Variants in OR3A2 observed in about 807,000 individuals in gnomAD.
OR3A2 encodes the protein olfactory receptor 3A2.
For synonymous variants in OR3A2, 126 were observed against 159.3 expected, an observed-to-expected ratio of 0.79 and a Z score of 1.57; for missense variants, 318 against 392.8, an observed-to-expected ratio of 0.81 and a Z score of 1.61.
At chr17:3,352,925 T>C (rs2049432139) in intron 2 of OR3A2, among the ~76,000 whole-genome samples, 1 of 151,824 alleles carries the variant, frequency 6.6e-6, no homozygotes, top group African/African-American at 2.4e-5. Context: ...ATTTCTTTTA[T>C]CAGTGTTTTA....
chr17:3,373,276 T>C (rs928938686), intron 2 of OR3A2, among the ~76,000 whole-genome samples: 1 of 152,188 alleles, frequency 6.6e-6, no homozygotes, highest in African/African-American at 2.4e-5. Flanking sequence ...TCTGCAGTTG[T>C]TAGGTAGAAT....
intron 3 of OR3A2, among the ~76,000 whole-genome samples, chr17:3,303,974 T>TAC (rs1344412490): frequency 2.0e-5 from 2 of 101,918 alleles, no homozygotes; most frequent in African/African-American, 4.7e-5. Flanking sequence ...AATATATATA[T>TAC]ATACTAATTA....
Position 3,369,805 on chromosome 17 carries a change from C to CTTTTTT in OR3A2, c.-179+13993_-179+13998dup, listed in dbSNP as rs35233474. Among the ~76,000 whole-genome samples, 649 of 134,646 alleles carry CTTTTTT rather than the reference C, an allele frequency of 4.8e-3. 13 individuals carry two copies. The highest frequency in any genetic ancestry group is 0.017 in the African/African-American group (611 of 35,474). The allele number at this position is 134,646 out of a possible 152,430, so 88.3% of individuals were successfully genotyped here. On this transcript the variant is annotated intron_variant, in intron 2 of 4. Coordinates refer to the OR3A2 transcript ENST00000573491. ...TTGAATGGTTTCCGTTAGATTGGTA[C>CTTTTTT]TTTTTTTTTTTTTTTTGAGGCAAGC...
At chr17:3,363,632 C>T (rs1445680008) in intron 2 of OR3A2, among the ~76,000 whole-genome samples, 1 of 151,942 alleles carries the variant, frequency 6.6e-6, no homozygotes, top group Non-Finnish European at 1.5e-5. Flanking sequence ...AAAGTTGCTT[C>T]CACATTTTCA....
intron 3 of OR3A2, among the ~76,000 whole-genome samples, chr17:3,295,957 G>C (rs1275224680): frequency 6.6e-6 from 1 of 152,102 alleles, no homozygotes; most frequent in Non-Finnish European, 1.5e-5. Context: ...CAGGGTAACA[G>C]TGGATTTTAG....
intron 3 of OR3A2, among the ~76,000 whole-genome samples, chr17:3,333,148 C>T (rs144287769): frequency 6.6e-6 from 1 of 152,122 alleles, no homozygotes; most frequent in Non-Finnish European, 1.5e-5. Flanking sequence ...TAATTGCATT[C>T]CTGGGTGGAG....
chr17:3,293,982 T>C (rs540834538), intron 3 of OR3A2, among the ~76,000 whole-genome samples: 1 of 152,062 alleles, frequency 6.6e-6, no homozygotes, highest in African/African-American at 2.4e-5. Flanking sequence ...GCGAGAACAT[T>C]AGGGAAAAGA....
intron 3 of OR3A2, among the ~76,000 whole-genome samples, chr17:3,333,630 C>T (rs1225585981): frequency 6.6e-6 from 1 of 152,086 alleles, no homozygotes; most frequent in East Asian, 1.9e-4. Flanking sequence ...ATTTCTCAGA[C>T]TGGCCAACAC....
At chr17:3,277,909 G>C in exon 2 of OR3A2, 3 of 1,513,650 alleles carry the variant, frequency 2.0e-6, no homozygotes, top group Non-Finnish European at 2.7e-6. Flanking sequence ...CCTGGTTACT[G>C]TCTTCATGGG....
intron 2 of OR3A2, among the ~76,000 whole-genome samples, chr17:3,369,064 A>G (rs578007128): frequency 7.9e-5 from 12 of 152,264 alleles, no homozygotes; most frequent in African/African-American, 2.9e-4. Context: ...TAGCAGTGCT[A>G]CTGATTTGTG....
At chr17:3,322,386 A>G (rs1286138032) in intron 3 of OR3A2, among the ~76,000 whole-genome samples, 3 of 151,720 alleles carry the variant, frequency 2.0e-5, no homozygotes, top group Non-Finnish European at 2.9e-5. Context: ...TTCTGCTCTG[A>G]TTTTAGTTAT....
At chr17:3,357,819 G>A (rs1234494292) in intron 2 of OR3A2, among the ~76,000 whole-genome samples, 2 of 151,568 alleles carry the variant, frequency 1.3e-5, no homozygotes, top group Non-Finnish European at 2.9e-5. Flanking sequence ...TTCCAGAAGT[G>A]CTGGGATTAA....
At chr17:3,319,091 A>G (rs561521443) in intron 3 of OR3A2, among the ~76,000 whole-genome samples, 81 of 152,288 alleles carry the variant, frequency 5.3e-4, no homozygotes, top group Non-Finnish European at 9.9e-4. Context: ...TGAATAAATG[A>G]TAAGTAGTCC....
chr17:3,279,099 A>T lies in OR3A2; in HGVS notation c.-6-176T>A, dbSNP rs372779926. 13 of 1,063,450 alleles carry T rather than the reference A, an allele frequency of 1.2e-5. No individual in the cohort carries two copies. Among genetic ancestry groups the T allele is most frequent in the South Asian group, 3.4e-5 (2 of 59,110 alleles). The allele number at this position is 1,063,450 out of a possible 1,614,324, so 65.9% of individuals were successfully genotyped here. A position where few individuals can be genotyped will look rare whatever the true frequency, so the allele number is the denominator to read the frequency against. ...ACCTTGCTCTTGGTTGACATGCCCA[A>T]TGACACCACCACCTTGTCCTCCTCA... On this transcript the variant is annotated intron_variant, in intron 1 of 1. It adds an upstream start codon to the 5' untranslated region. Coordinates refer to ENST00000642052, the Ensembl canonical transcript of OR3A2.
chr17:3,283,989 C>T lies in OR3A2; in HGVS notation c.-7+369G>A, dbSNP rs2048792442. Among the ~76,000 whole-genome samples, 3 of 145,792 alleles carry T rather than the reference C, an allele frequency of 2.1e-5. No individual in the cohort carries two copies. In the South Asian group the frequency reaches 6.9e-4, roughly 34 times the overall value. On this transcript the variant is annotated intron_variant, in intron 1 of 1. Coordinates refer to ENST00000642052, the Ensembl canonical transcript of OR3A2. ...TCCTGCACGACCACTCTCGAGGCTC[C>T]CCTTACGAGCTGTGACAGCTCCCTG...
At chr17:3,316,058 A>T (rs2049080585) in intron 3 of OR3A2, among the ~76,000 whole-genome samples, 1 of 152,024 alleles carries the variant, frequency 6.6e-6, no homozygotes, top group Non-Finnish European at 1.5e-5. Context: ...ACTCCACACC[A>T]ACCCTCATCC....
intron 2 of OR3A2, among the ~76,000 whole-genome samples, chr17:3,360,475 G>C (rs2049503342): frequency 6.6e-6 from 1 of 151,736 alleles, no homozygotes; most frequent in African/African-American, 2.4e-5. Context: ...TGGTGTTTTA[G>C]ACATGAAGTC....
At chr17:3,350,337 A>G (rs1257358043) in intron 2 of OR3A2, among the ~76,000 whole-genome samples, 1 of 149,856 alleles carries the variant, frequency 6.7e-6, no homozygotes, top group African/African-American at 2.4e-5. Flanking sequence ...GCAATAAAAA[A>G]TGATAAAGGG....
intron 3 of OR3A2, among the ~76,000 whole-genome samples, chr17:3,312,528 A>T (rs570566890): frequency 5.3e-5 from 8 of 152,344 alleles, no homozygotes; most frequent in Middle Eastern, 6.8e-3. Context: ...ATGGCAGTGC[A>T]TGAGCCTATT....
Sources: allele counts gnomAD v4.1 joint callset (sites outside exome capture counted in the v4.1 genomes callset), GRCh38; gene constraint gnomAD v4.1.1; transcripts MANE v1.5; gene names NCBI Gene and HGNC (gene_info 2026-07-23, HGNC 2026-07-21).